The following RASA3 variants were observed in gnomAD, a reference collection of about 807,000 sequenced individuals.
RASA3 encodes RAS p21 protein activator 3.
Under a neutral mutation model 110.0 loss-of-function variants are expected in RASA3, and 73 were observed. The observed-to-expected ratio is 0.66, with a 90% CI of 0.55 to 0.81. The LOEUF is 0.81. Among genes scored for constraint, RASA3 ranks in the 30% least tolerant of loss-of-function variants. The probability of loss-of-function intolerance (pLI) is 0.00; values close to 1 mark genes in which losing one functional copy is unlikely to be tolerated. For missense variants in RASA3, 976 were observed against 1,113.2 expected, an observed-to-expected ratio of 0.88 and a Z score of 1.75; for synonymous variants, 500 against 451.4, an observed-to-expected ratio of 1.11 and a Z score of -1.37.
At chr13:114,105,911 C>G (rs893154276) in intron 1 of RASA3, among the ~76,000 whole-genome samples, 1 of 152,142 alleles carries the variant, frequency 6.6e-6, no homozygotes, top group South Asian at 2.1e-4. Flanking sequence ...GGAAAGGAAG[C>G]GGGCATTCCA....
intron 23 of RASA3, among the ~76,000 whole-genome samples, 168 bp from the exon 24 acceptor site, chr13:113,979,590 G>C (rs1211533575): frequency 6.6e-6 from 1 of 152,256 alleles, no homozygotes; most frequent in East Asian, 1.9e-4. Flanking sequence ...CACCCACGGT[G>C]ACTCTGATGT....
intron 1 of RASA3, among the ~76,000 whole-genome samples, chr13:114,080,174 C>T (rs892824309): frequency 2.0e-5 from 3 of 152,160 alleles, no homozygotes; most frequent in East Asian, 3.9e-4. Context: ...GTCCAGGGCT[C>T]TCCAGGGCAC....
chr13:114,045,532 C>G (rs1409624913), intron 3 of RASA3, among the ~76,000 whole-genome samples: 1 of 152,124 alleles, frequency 6.6e-6, no homozygotes, highest in Non-Finnish European at 1.5e-5. Flanking sequence ...GCGCGCCTCC[C>G]TCTGACCCCA....
In RASA3 at chr13:114,065,267, C is replaced by T. The variant is rs1481893617; in HGVS notation, c.173+8453G>A. 6.6e-6 allele frequency among the ~76,000 whole-genome samples: 1 copy of T among 152,232 alleles called. No homozygotes were observed. The highest frequency in any genetic ancestry group is 2.4e-5 in the African/African-American group (1 of 41,456). ...GCCCCATCCCGCCTGCGGCTGCTCC[C>T]ATCACGTGATCATAAGAAAATAAAC... On this transcript the variant is annotated intron_variant, in intron 2 of 23. Coordinates refer to ENST00000334062, the MANE Select transcript of RASA3 (RefSeq NM_007368.4). This position sits in a 1 kb window ranked among gnomAD's most constrained non-coding sequence, Gnocchi z 4.1.
At chr13:114,067,543 C>A (rs530434424) in intron 2 of RASA3, among the ~76,000 whole-genome samples, 33 of 152,208 alleles carry the variant, frequency 2.2e-4, no homozygotes, top group Non-Finnish European at 2.6e-4. Context: ...TCCTCCTGCC[C>A]CTTTCAGTTT....
At chr13:113,994,603 ACCAC>A (rs1723916827) in intron 21 of RASA3, among the ~76,000 whole-genome samples, 1 of 152,058 alleles carries the variant, frequency 6.6e-6, no homozygotes, top group Admixed American at 6.5e-5. Context: ...TTTGAGCAAC[ACCAC>A]CCTGGGCAAC....
intron 1 of RASA3, among the ~76,000 whole-genome samples, chr13:114,081,085 C>CATAGAA (rs1425459656): frequency 6.6e-6 from 1 of 152,058 alleles, no homozygotes; most frequent in African/African-American, 2.4e-5. Flanking sequence ...GGGCCGTCCA[C>CATAGAA]CTAGAACACC....
At chr13:114,046,836 G>A (rs1277578270) in intron 3 of RASA3, among the ~76,000 whole-genome samples, 3 of 152,224 alleles carry the variant, frequency 2.0e-5, no homozygotes, top group Non-Finnish European at 4.4e-5. Context: ...CGGAGGAAGG[G>A]TCGTCTTTCA....
At chr13:114,043,191 G>A (rs1173155235) in intron 3 of RASA3, among the ~76,000 whole-genome samples, 1 of 152,170 alleles carries the variant, frequency 6.6e-6, no homozygotes, top group African/African-American at 2.4e-5. Flanking sequence ...ATGGGACAGC[G>A]CAAGGTCGGC....
At chr13:114,106,241 C>T (rs1412015661) in intron 1 of RASA3, among the ~76,000 whole-genome samples, 2 of 152,196 alleles carry the variant, frequency 1.3e-5, no homozygotes, top group East Asian at 1.9e-4. Context: ...TGTGCGCGCA[C>T]CGTATCTCCA....
At position 114,065,400 on chromosome 13, in the gene RASA3, G is replaced by A. The variant is rs1422833147; in HGVS notation, c.173+8320C>T. ...CCCCAGCCTCGGGGTAGAGGGTAAA[G>A]GCTGCGTGAAGAGGAACCAAACCCC... is the stretch of plus-strand genomic sequence containing the variant. On this transcript the variant is annotated intron_variant, in intron 2 of 23. Coordinates refer to ENST00000334062, the MANE Select transcript of RASA3 (RefSeq NM_007368.4). This position sits in a 1 kb window ranked among gnomAD's most constrained non-coding sequence, Gnocchi z 4.1. 6.6e-6 allele frequency among the ~76,000 whole-genome samples: 1 copy of A among 152,220 alleles called. No homozygotes were observed. The highest frequency in any genetic ancestry group is 1.5e-5 in the Non-Finnish European group (1 of 68,034).
Position 113,996,599 on chromosome 13 carries a change from G to A in RASA3, c.2073C>T (p.Tyr691=). The A allele has an allele frequency of 6.2e-7, 1 of 1,613,644 alleles. No individual in the cohort carries two copies. The highest frequency in any genetic ancestry group is 1.7e-5 in the Admixed American group (1 of 60,024). ...TACAGCACAGCCAGTGGCCGCTCAG[G>A]TAGGCGGACGGGTGGTAGACGGTGA... ...KRLTVYHPSA[Y]LSGHWLCCRA... The change falls in exon 21 of 24, where the codon TAC becomes TAT. Residue 691 remains tyrosine, a synonymous_variant. Coordinates refer to ENST00000334062, the MANE Select transcript of RASA3 (RefSeq NM_007368.4).
At position 114,057,879 on chromosome 13, in the gene RASA3, G is replaced by C. The variant is rs1355739565; in HGVS notation, c.174-5724C>G. On this transcript the variant is annotated intron_variant, in intron 2 of 23. Transcript: ENST00000334062. This position sits in a 1 kb window ranked among gnomAD's most constrained non-coding sequence, Gnocchi z 5.0. ...GTGCGGGCTCGGCCTGCAGGATGGA[G>C]GCTGGAGAGCTGCCATCCTAGCGCA... 1.3e-5 allele frequency among the ~76,000 whole-genome samples: 2 copies of C among 152,232 alleles called. No individual in the cohort carries two copies. Among genetic ancestry groups the C allele is most frequent in the African/African-American group, 4.8e-5 (2 of 41,456 alleles).
At chr13:114,132,182 G>T (rs1223620719) in intron 1 of RASA3, among the ~76,000 whole-genome samples, 1 of 152,198 alleles carries the variant, frequency 6.6e-6, no homozygotes, top group Non-Finnish European at 1.5e-5. Context: ...CAGGGACCGG[G>T]GCCGCTCCGG....
At chr13:114,000,547 C>T (rs373210984) in intron 19 of RASA3, among the ~76,000 whole-genome samples, 8 of 152,188 alleles carry the variant, frequency 5.3e-5, no homozygotes, top group East Asian at 1.9e-4. Context: ...GAGGAAGGGA[C>T]GTGGACAGAA....
intron 1 of RASA3, among the ~76,000 whole-genome samples, chr13:114,075,369 TTTTTA>T (rs1488128433): frequency 6.6e-6 from 1 of 152,222 alleles, no homozygotes; most frequent in Non-Finnish European, 1.5e-5. Context: ...AGTTTGAAGC[TTTTTA>T]AAGACTTTTC....
At chr13:114,098,988 G>A (rs923018852) in intron 1 of RASA3, among the ~76,000 whole-genome samples, 1 of 127,840 alleles carries the variant, frequency 7.8e-6, no homozygotes, top group African/African-American at 3.0e-5. Context: ...CAGCAGTCGG[G>A]GCCCGGCCAC....
At position 114,016,330 on chromosome 13, in the gene RASA3, G is replaced by A. The variant is rs549437487; in HGVS notation, c.1207-59C>T. 7.1e-6 allele frequency: 9 copies of A among 1,275,800 alleles called. No individual in the cohort carries two copies. In the East Asian group the frequency reaches 1.9e-4, roughly 26 times the overall value. The allele number at this position is 1,275,800 out of a possible 1,614,324, so 79.0% of individuals were successfully genotyped here. ...GGGTTCTGGGGGCACAGGCAGGGAG[G>A]GTGGAAGGGGTCTCAGGCCTGGCTG... On this transcript the variant is annotated intron_variant, in intron 12 of 23. Transcript: ENST00000334062.
Position 114,024,367 on chromosome 13 carries a change from C to CGA in RASA3, c.604-14_604-13dup. On this transcript the variant is annotated splice_polypyrimidine_tract_variant and intron_variant, in intron 7 of 23. Coordinates refer to ENST00000334062, the MANE Select transcript of RASA3 (RefSeq NM_007368.4). ...CAGGGCCGGGTCACCTGGAGTCAGA[C>CGA]GAGAGAGAAAGCGCTGAGACCGCGG... 1 of 1,613,132 alleles carries CGA rather than the reference C, an allele frequency of 6.2e-7. No homozygotes were observed. The highest frequency in any genetic ancestry group is 8.5e-7 in the Non-Finnish European group (1 of 1,179,396).
Sources: allele counts gnomAD v4.1 joint callset (sites outside exome capture counted in the v4.1 genomes callset), GRCh38; gene constraint gnomAD v4.1.1; non-coding constraint Gnocchi (gnomAD v3.1); transcripts MANE v1.5; gene names NCBI Gene and HGNC (gene_info 2026-07-23, HGNC 2026-07-21).